Variants in CTNNBIP1 observed in about 807,000 individuals in gnomAD.
CTNNBIP1 encodes the protein beta-catenin-interacting protein 1.
A neutral mutation model predicts 11.8 loss-of-function variants in CTNNBIP1; 7 were observed. The ratio of observed to expected loss-of-function variants is 0.60; its 90% CI spans 0.34 to 1.12. The LOEUF is 1.12. Ranked by LOEUF, CTNNBIP1 falls within the 50% of genes most tolerant of loss-of-function variation. The pLI, the probability that CTNNBIP1 is intolerant of heterozygous loss-of-function variation, is 0.03. For synonymous variants in CTNNBIP1, 58 were observed against 43.9 expected (o/e 1.32, Z -1.26); for missense variants, 101 against 113.4 (o/e 0.89, Z 0.50).
At chr1:9,893,459 C>G (rs1639347808) in intron 1 of CTNNBIP1, among the ~76,000 whole-genome samples, 1 of 152,148 alleles carries the variant, frequency 6.6e-6, no homozygotes. Context: ...TAAGAGCTCC[C>G]CTGGCAAAAA....
In CTNNBIP1 at chr1:9,893,643, T is replaced by C. The variant is rs564786753; in HGVS notation, c.-143-9905A>G. The stretch of plus-strand genomic sequence containing the variant: ...TCAAGGGTCACTGGAAGAGGGTTAA[T>C]TACACGACACATTAATTTGATGATT... On this transcript the variant is annotated intron_variant, in intron 1 of 5. Transcript: ENST00000377263. Among the ~76,000 whole-genome samples the C allele has an allele frequency of 2.0e-5, 3 of 152,336 alleles. No homozygotes were observed. In the East Asian group the frequency reaches 5.8e-4, roughly 29 times the overall value.
intron 5 of CTNNBIP1, among the ~76,000 whole-genome samples, chr1:9,868,102 C>A (rs1160626726): frequency 6.6e-6 from 1 of 152,222 alleles, no homozygotes; most frequent in Admixed American, 6.5e-5. Context: ...CCACAGAATT[C>A]TCAGAACCTC....
Position 9,871,228 on chromosome 1 carries a change from T to C in CTNNBIP1, c.146A>G (p.Asn49Ser), listed in dbSNP as rs1241714108. The C allele has an allele frequency of 1.3e-6, 2 of 1,581,984 alleles. No homozygotes were observed. The highest frequency in any genetic ancestry group is 2.7e-5 in the African/African-American group (2 of 74,680). Residue 49 changes from asparagine (N) to serine (S), a missense_variant, in exon 5 of 6, where the codon AAC becomes AGC. By Grantham distance (46) the Asn-to-Ser change is conservative (BLOSUM62 1). Coordinates refer to ENST00000377263, the MANE Select transcript of CTNNBIP1 (RefSeq NM_020248.3). This position sits in a 1 kb window ranked among gnomAD's most constrained non-coding sequence, Gnocchi z 5.2. ...EFLRTYAGVV[N>S]SQLSQLPPHS... ...CGGAGGCAGCTGGCTGAGCTGGCTGTTGACCACCCCTGCATAGGTGCGCAG... is the reference window on the plus strand; with the variant it reads ...CGGAGGCAGCTGGCTGAGCTGGCTGCTGACCACCCCTGCATAGGTGCGCAG...
intron 5 of CTNNBIP1, among the ~76,000 whole-genome samples, chr1:9,853,336 A>G (rs992540387): frequency 3.1e-4 from 47 of 152,334 alleles, no homozygotes; most frequent in African/African-American, 1.0e-3. Context: ...TTGTCATTCA[A>G]TGAGGTCTCA....
At chr1:9,894,091 C>T (rs1164703144) in intron 1 of CTNNBIP1, among the ~76,000 whole-genome samples, 1 of 152,042 alleles carries the variant, frequency 6.6e-6, no homozygotes, top group Non-Finnish European at 1.5e-5. Flanking sequence ...TGAAAAATTC[C>T]AAAGCCACGG....
At chr1:9,876,350 C>T (rs1234311345) in intron 3 of CTNNBIP1, among the ~76,000 whole-genome samples, 3 of 152,180 alleles carry the variant, frequency 2.0e-5, no homozygotes, top group Non-Finnish European at 4.4e-5. Context: ...GGCACAGTGG[C>T]TCATGCCTGT....
rs1232732135 is a variant in CTNNBIP1 at position 9,850,238 on chromosome 1, T to G, written c.*480A>C. The stretch of plus-strand genomic sequence containing the variant: ...GCATTCAAAATAGGGAAGCTGTTGA[T>G]ATCAGCAGAACACCTGCAGCCAAAG... On this transcript the variant is annotated 3_prime_UTR_variant, in exon 6 of 6. Transcript: ENST00000377263. 6.5e-6 allele frequency: 1 copy of G among 153,984 alleles called. No homozygotes were observed. The highest frequency in any genetic ancestry group is 2.4e-5 in the African/African-American group (1 of 41,438). 9.5% of individuals were successfully genotyped at this position (153,984 alleles called of 1,614,324 possible). A position where few individuals can be genotyped will look rare whatever the true frequency, so the allele number is the denominator to read the frequency against.
intron 3 of CTNNBIP1, among the ~76,000 whole-genome samples, chr1:9,873,867 C>A (rs1036545033): frequency 6.6e-6 from 1 of 152,056 alleles, no homozygotes; most frequent in Non-Finnish European, 1.5e-5. Flanking sequence ...CCTGAGTAAG[C>A]TAGGGCCACA....
intron 5 of CTNNBIP1, among the ~76,000 whole-genome samples, chr1:9,869,918 C>T (rs543465587): frequency 5.5e-4 from 83 of 152,234 alleles, no homozygotes; most frequent in Non-Finnish European, 9.8e-4. Context: ...CGGGAGCCGA[C>T]GCCACATAGA....
At chr1:9,861,751 T>C (rs1367947771) in intron 5 of CTNNBIP1, among the ~76,000 whole-genome samples, 1 of 152,194 alleles carries the variant, frequency 6.6e-6, no homozygotes, top group East Asian at 1.9e-4. Context: ...CCTCCTAGGC[T>C]TGGGGTCCCT....
intron 1 of CTNNBIP1, among the ~76,000 whole-genome samples, chr1:9,895,362 CTAA>C (rs1017453057): frequency 6.6e-6 from 1 of 151,896 alleles, no homozygotes. Context: ...CCATGCCCAG[CTAA>C]TTTTTGTATT....
chr1:9,906,734 T>A (rs772291285), intron 1 of CTNNBIP1, among the ~76,000 whole-genome samples: 17 of 152,136 alleles, frequency 1.1e-4, no homozygotes, highest in Admixed American at 6.5e-4. Context: ...GGGTTTACAC[T>A]ATATTGCACC....
In CTNNBIP1 at chr1:9,871,878, G is replaced by T. The variant is rs991933606; in HGVS notation, c.96+91C>A. 9.6e-6 allele frequency: 11 copies of T among 1,143,766 alleles called. No individual in the cohort carries two copies. Among genetic ancestry groups the T allele is most frequent in the Non-Finnish European group, 1.4e-5 (11 of 766,228 alleles). The allele number at this position is 1,143,766 out of a possible 1,614,324, so 70.9% of individuals were successfully genotyped here. A position where few individuals can be genotyped will look rare whatever the true frequency, so the allele number is the denominator to read the frequency against. ...GCCCGTGGCTCCGCAGGAGGCAGCCGCAGTGGCTCCACCCTCCAATAGCCC... is the reference window on the plus strand; with the variant it reads ...GCCCGTGGCTCCGCAGGAGGCAGCCTCAGTGGCTCCACCCTCCAATAGCCC... On this transcript the variant is annotated intron_variant, in intron 4 of 5. Coordinates refer to ENST00000377263, the MANE Select transcript of CTNNBIP1 (RefSeq NM_020248.3). The surrounding 1 kb of genome is among the most constrained non-coding windows in gnomAD (Gnocchi z 5.2).
chr1:9,861,915 G>C (rs1052633109), intron 5 of CTNNBIP1, among the ~76,000 whole-genome samples: 84 of 152,184 alleles, frequency 5.5e-4, no homozygotes, highest in African/African-American at 1.9e-3. Flanking sequence ...ACTAGCCACA[G>C]GATAACATCC....
rs545885327 is a variant in CTNNBIP1, at chr1:9,850,405, G to A, written c.*313C>T. The A allele has an allele frequency of 4.4e-5, 11 of 250,836 alleles. No homozygotes were observed. The Admixed American group carries it at 4.5e-4, about 10-fold the overall frequency. The allele number at this position is 250,836 out of a possible 1,614,324, so 15.5% of individuals were successfully genotyped here. A position where few individuals can be genotyped will look rare whatever the true frequency, so the allele number is the denominator to read the frequency against. On this transcript the variant is annotated 3_prime_UTR_variant, in exon 6 of 6. Coordinates refer to ENST00000377263, the MANE Select transcript of CTNNBIP1 (RefSeq NM_020248.3). ...GCTTCCAGGGAAGCCAGATACCGAG[G>A]CGCAAATTTTTTAAAAAATAAGAGT...
intron 5 of CTNNBIP1, among the ~76,000 whole-genome samples, chr1:9,858,266 G>C (rs1638549855): frequency 6.6e-6 from 1 of 152,102 alleles, no homozygotes; most frequent in Non-Finnish European, 1.5e-5. Context: ...GAAGTTGTTA[G>C]AAACCTAAGT....
chr1:9,885,420 A>G (rs979992840), intron 1 of CTNNBIP1, among the ~76,000 whole-genome samples: 1 of 152,148 alleles, frequency 6.6e-6, no homozygotes, highest in African/African-American at 2.4e-5. Context: ...GGTTGTGAAA[A>G]TGAGATAACA....
At chr1:9,855,789 A>G (rs1173099990) in intron 5 of CTNNBIP1, among the ~76,000 whole-genome samples, 1 of 147,684 alleles carries the variant, frequency 6.8e-6, no homozygotes, top group Non-Finnish European at 1.5e-5. Flanking sequence ...GTGCAGTGGT[A>G]CAATCAGCAC....
At chr1:9,880,702 C>A (rs893183301) in intron 2 of CTNNBIP1, among the ~76,000 whole-genome samples, 25 of 152,192 alleles carry the variant, frequency 1.6e-4, no homozygotes, top group Admixed American at 1.4e-3. Context: ...GGTCAATGTT[C>A]CCAGTTTACA....
Sources: allele counts gnomAD v4.1 joint callset (sites outside exome capture counted in the v4.1 genomes callset), GRCh38; gene constraint gnomAD v4.1.1; non-coding constraint Gnocchi (gnomAD v3.1); transcripts MANE v1.5; gene names NCBI Gene and HGNC (gene_info 2026-07-23, HGNC 2026-07-21).